The following RBFOX1 variants were observed in gnomAD, a reference collection of about 807,000 sequenced individuals.
RBFOX1 encodes RNA binding fox-1 homolog 1, also known as RNA binding protein fox-1 homolog 1.
In RBFOX1, 8 loss-of-function variants were observed where a neutral mutation model predicts 57.7. The ratio of observed to expected loss-of-function variants is 0.14; its 90% CI spans 0.08 to 0.25. The LOEUF (loss-of-function observed/expected upper bound fraction) is 0.25, where lower values mean the gene tolerates loss of function less well. Among genes scored for constraint, RBFOX1 ranks in the 10% least tolerant of loss-of-function variants. RBFOX1 has a pLI of 1.00. For missense variants in RBFOX1, 611 were observed against 548.5 expected, an observed-to-expected ratio of 1.11 and a Z score of -1.14; for synonymous variants, 326 against 222.4, an observed-to-expected ratio of 1.47 and a Z score of -4.15.
At chr16:5,410,939 G>T (rs1244334363) in intron 1 of RBFOX1, among the ~76,000 whole-genome samples, 1 of 152,174 alleles carries the variant, frequency 6.6e-6, no homozygotes, top group Non-Finnish European at 1.5e-5. Context: ...TCTCTAACTG[G>T]GGATCATGAA....
chr16:5,450,804 G>A lies in RBFOX1; in HGVS notation c.220-16412G>A, dbSNP rs538305093. On this transcript the variant is annotated intron_variant, in intron 1 of 2. Coordinates refer to the RBFOX1 transcript ENST00000585867. ...TGGGTAGCCTCGTCTGGGACCGCAGGGATTCAGAGCTAGAAGTGTGCACCA... is the reference window on the plus strand; with the variant it reads ...TGGGTAGCCTCGTCTGGGACCGCAGAGATTCAGAGCTAGAAGTGTGCACCA... 6.6e-5 allele frequency among the ~76,000 whole-genome samples: 10 copies of A among 152,270 alleles called. No individual in the cohort carries two copies. In the South Asian group the frequency reaches 1.9e-3, roughly 28 times the overall value.
At chr16:6,301,354 C>T (rs1040826269) in intron 1 of RBFOX1, among the ~76,000 whole-genome samples, 2 of 152,004 alleles carry the variant, frequency 1.3e-5, no homozygotes, top group Non-Finnish European at 2.9e-5. Context: ...TTTCCAATTG[C>T]CTAGATAGGA....
At position 7,018,837 on chromosome 16, in the gene RBFOX1, G is replaced by A. The variant is rs2094052462; in HGVS notation, c.-15-33220G>A. ...CGTCTACAGATTAAAACCCACTCTA[G>A]GCCAGGTGCAGTGGCTGACGACTGT... On this transcript the variant is annotated intron_variant, in intron 3 of 15. Transcript: ENST00000550418. 2.0e-5 allele frequency among the ~76,000 whole-genome samples: 3 copies of A among 151,902 alleles called. No homozygotes were observed. In the South Asian group the frequency reaches 6.2e-4, roughly 32 times the overall value.
In RBFOX1 at chr16:7,458,887, T is replaced by G. The variant is rs1349101226; in HGVS notation, c.28-59260T>G. ...TTTTATGTTTCATTTGTGTCTGTCTTTCTGCACTAGCATGTAAGCTCCAAC... is the reference window on the plus strand; with the variant it reads ...TTTTATGTTTCATTTGTGTCTGTCTGTCTGCACTAGCATGTAAGCTCCAAC... On this transcript the variant is annotated intron_variant, in intron 4 of 15. Transcript: ENST00000550418. Among the ~76,000 whole-genome samples, 5 of 152,262 alleles carry G rather than the reference T, an allele frequency of 3.3e-5. No homozygotes were observed. In the East Asian group the frequency reaches 9.6e-4, roughly 29 times the overall value.
intron 4 of RBFOX1, among the ~76,000 whole-genome samples, chr16:7,351,576 G>A (rs1032381087): frequency 6.6e-6 from 1 of 152,190 alleles, no homozygotes; most frequent in Non-Finnish European, 1.5e-5. Context: ...AGTTAATGAT[G>A]GTGCGGTGGA....
rs1248814296 is a variant in RBFOX1 at position 5,856,251 on chromosome 16, G to GTA, written c.319-11044_319-11043dup. Among the ~76,000 whole-genome samples the GTA allele has an allele frequency of 7.5e-4, 16 of 21,280 alleles. 1 individual carries two copies. The highest frequency in any genetic ancestry group is 3.0e-3 in the South Asian group (2 of 672). The allele number at this position is 21,280 out of a possible 152,430, so 14.0% of individuals were successfully genotyped here. A position where few individuals can be genotyped will look rare whatever the true frequency, so the allele number is the denominator to read the frequency against. On this transcript the variant is annotated intron_variant, in intron 3 of 19. Transcript: ENST00000641259. The stretch of plus-strand genomic sequence containing the variant: ...TATGTATATATATGTGTATATATAT[G>GTA]TATATATATGTATATATATATACAC...
chr16:7,200,328 G>T (rs1217831769), intron 4 of RBFOX1, among the ~76,000 whole-genome samples: 1 of 152,188 alleles, frequency 6.6e-6, no homozygotes, highest in Non-Finnish European at 1.5e-5. Context: ...CACTAAGTTG[G>T]CCTGTCTTAT....
At chr16:5,994,990 C>T (rs75801949) in intron 4 of RBFOX1, among the ~76,000 whole-genome samples, 6 of 152,180 alleles carry the variant, frequency 3.9e-5, no homozygotes, top group African/African-American at 7.2e-5. Flanking sequence ...CTCTCACTAG[C>T]TGTGAGACAG....
chr16:7,529,426 C>T (rs1197942191), intron 5 of RBFOX1, among the ~76,000 whole-genome samples: 1 of 152,204 alleles, frequency 6.6e-6, no homozygotes, highest in African/African-American at 2.4e-5. Context: ...TGATGGTATG[C>T]AACCCTTTGG....
chr16:6,775,121 C>G (rs1353959589), intron 3 of RBFOX1, among the ~76,000 whole-genome samples: 1 of 150,442 alleles, frequency 6.6e-6, no homozygotes, highest in Non-Finnish European at 1.5e-5. Context: ...GTCAGGAGAT[C>G]CAGACCATCC....
chr16:7,049,507 G>A (rs1175712385), intron 3 of RBFOX1, among the ~76,000 whole-genome samples: 2 of 152,098 alleles, frequency 1.3e-5, no homozygotes, highest in Non-Finnish European at 2.9e-5. Context: ...TTCTCTTAGT[G>A]TTAAGACTCA....
intron 4 of RBFOX1, among the ~76,000 whole-genome samples, chr16:7,398,588 C>A (rs910974633): frequency 6.6e-6 from 1 of 152,228 alleles, no homozygotes; most frequent in Non-Finnish European, 1.5e-5. Flanking sequence ...TGACAAATGC[C>A]ACCTTCAATC....
At chr16:5,304,854 A>G (rs974529743) in intron 1 of RBFOX1, among the ~76,000 whole-genome samples, 2 of 152,182 alleles carry the variant, frequency 1.3e-5, no homozygotes, top group African/African-American at 4.8e-5. Context: ...CCAAAACAAT[A>G]TAGAGAAATG....
At chr16:6,557,048 T>TATATATACATATATACATACATATATAC (rs1567672202) in intron 2 of RBFOX1, among the ~76,000 whole-genome samples, 3 of 121,180 alleles carry the variant, frequency 2.5e-5, no homozygotes, top group Non-Finnish European at 4.8e-5. Context: ...TATATATACA[T>TATATATACATATATACATACATATATAC]ATATATACAT....
At chr16:6,686,804 C>T (rs1233770959) in intron 3 of RBFOX1, among the ~76,000 whole-genome samples, 1 of 152,196 alleles carries the variant, frequency 6.6e-6, no homozygotes, top group Admixed American at 6.5e-5. Flanking sequence ...CATCAAGAAA[C>T]CCACAGATTG....
intron 1 of RBFOX1, among the ~76,000 whole-genome samples, chr16:5,267,211 T>C (rs2062880880): frequency 6.6e-6 from 1 of 152,188 alleles, no homozygotes; most frequent in Admixed American, 6.5e-5. Context: ...TGCTAAAATC[T>C]TGTGGATGAC....
At chr16:6,420,029 C>T (rs1044073291) in intron 2 of RBFOX1, among the ~76,000 whole-genome samples, 5 of 152,124 alleles carry the variant, frequency 3.3e-5, no homozygotes, top group African/African-American at 1.2e-4. Flanking sequence ...TCCCACTGAG[C>T]TGTTTCAGGT....
intron 1 of RBFOX1, among the ~76,000 whole-genome samples, chr16:6,164,763 C>G (rs1254742470): frequency 6.6e-6 from 1 of 152,026 alleles, no homozygotes; most frequent in African/African-American, 2.4e-5. Context: ...CCCACCGTGC[C>G]CAGCCTATAT....
At chr16:6,918,304 C>T (rs1043335493) in intron 3 of RBFOX1, among the ~76,000 whole-genome samples, 5 of 149,714 alleles carry the variant, frequency 3.3e-5, no homozygotes, top group African/African-American at 1.2e-4. Flanking sequence ...AAAGGAAACA[C>T]ACATTTGGGG....
Sources: allele counts gnomAD v4.1 joint callset (sites outside exome capture counted in the v4.1 genomes callset), GRCh38; gene constraint gnomAD v4.1.1; transcripts MANE v1.5; gene names NCBI Gene and HGNC (gene_info 2026-07-23, HGNC 2026-07-21).